The following RBL1 variants were observed in gnomAD, a reference collection of about 807,000 sequenced individuals.
RBL1 encodes the protein retinoblastoma-like protein 1.
In RBL1, 82 loss-of-function variants were observed where a neutral mutation model predicts 123.0. That is an observed-to-expected ratio of 0.67 (90% confidence interval 0.56 to 0.80). The LOEUF is 0.80. RBL1 is among the 30% of genes least tolerant of loss of function. The pLI, the probability that RBL1 is intolerant of heterozygous loss-of-function variation, is 0.00. For synonymous variants in RBL1, 405 were observed against 441.3 expected, an observed-to-expected ratio of 0.92 and a Z score of 1.03; for missense variants, 1,171 against 1,299.6, an observed-to-expected ratio of 0.90 and a Z score of 1.52.
At chr20:37,031,149 T>C (rs1164706871) in intron 16 of RBL1, among the ~76,000 whole-genome samples, 1 of 152,182 alleles carries the variant, frequency 6.6e-6, no homozygotes, top group Non-Finnish European at 1.5e-5. Flanking sequence ...AATGATTTCT[T>C]GTGTATGACA....
chr20:37,032,133 A>C (rs975713650), intron 16 of RBL1, among the ~76,000 whole-genome samples: 1 of 152,188 alleles, frequency 6.6e-6, no homozygotes, highest in African/African-American at 2.4e-5. Flanking sequence ...CCATCAGCAG[A>C]TGAATGAATA....
intron 11 of RBL1, among the ~76,000 whole-genome samples, chr20:37,053,680 T>TAAA (rs2064957400): frequency 6.6e-6 from 1 of 152,236 alleles, no homozygotes; most frequent in Non-Finnish European, 1.5e-5. Flanking sequence ...CTTAAACTCC[T>TAAA]GTTTATATCA....
At chr20:37,095,037 C>A (rs1188876080) in intron 1 of RBL1, among the ~76,000 whole-genome samples, 1 of 152,156 alleles carries the variant, frequency 6.6e-6, no homozygotes, top group Non-Finnish European at 1.5e-5. Context: ...GCCATGTTCA[C>A]AGGGCTGTTG....
At chr20:37,013,960 A>C (rs549878332) in intron 19 of RBL1, among the ~76,000 whole-genome samples, 1 of 152,300 alleles carries the variant, frequency 6.6e-6, no homozygotes, top group Admixed American at 6.5e-5. Context: ...TGTTTTTCCC[A>C]AGTTGGTGTT....
Position 37,095,805 on chromosome 20 carries a change from AGTC to A in RBL1, c.121_123del (p.Asp41del). ...CTGTAGTTGCCTCGGATGGCAGTAAAGTCGTCCAGGGCTTCGGCCGCGCTCCCC... is the reference window on the plus strand; with the variant it reads ...CTGTAGTTGCCTCGGATGGCAGTAAAGTCCAGGGCTTCGGCCGCGCTCCCC... On this transcript the variant is annotated inframe_deletion, in exon 1 of 22. Transcript: ENST00000373664. 2 of 1,609,984 alleles carry A rather than the reference AGTC, an allele frequency of 1.2e-6. No individual in the cohort carries two copies. The highest frequency in any genetic ancestry group is 1.7e-6 in the Non-Finnish European group (2 of 1,178,622).
intron 2 of RBL1, among the ~76,000 whole-genome samples, chr20:37,070,494 A>C (rs868760950): frequency 1.6e-4 from 24 of 151,964 alleles, no homozygotes; most frequent in East Asian, 5.8e-4. Flanking sequence ...AAAAAAAAAA[A>C]CATAAAATAA....
chr20:37,069,495 G>A (rs2065245606), intron 2 of RBL1, among the ~76,000 whole-genome samples: 1 of 149,044 alleles, frequency 6.7e-6, no homozygotes, highest in South Asian at 2.1e-4. Flanking sequence ...CCGCCACCCC[G>A]TCTGGGATGT....
At chr20:37,016,242 G>A (rs1448286938) in intron 19 of RBL1, among the ~76,000 whole-genome samples, 2 of 151,838 alleles carry the variant, frequency 1.3e-5, no homozygotes, top group Non-Finnish European at 2.9e-5. Flanking sequence ...TGGCCAGGCT[G>A]GTCTCGAACT....
chr20:37,036,275 C>A (rs947141574), intron 14 of RBL1, among the ~76,000 whole-genome samples: 1 of 152,082 alleles, frequency 6.6e-6, no homozygotes, highest in African/African-American at 2.4e-5. Flanking sequence ...GCTTTTAAAA[C>A]AAAAGTATTT....
At chr20:37,044,920 A>C (rs1034360430) in intron 12 of RBL1, among the ~76,000 whole-genome samples, 1 of 152,110 alleles carries the variant, frequency 6.6e-6, no homozygotes, top group Admixed American at 6.6e-5. Context: ...CACTAACTCA[A>C]AATAACAGAA....
chr20:37,008,037 T>A (rs750393180), intron 19 of RBL1, among the ~76,000 whole-genome samples: 13 of 152,226 alleles, frequency 8.5e-5, no homozygotes, highest in Admixed American at 3.9e-4. Flanking sequence ...CAAATTGGAA[T>A]CTAGAGAAAT....
chr20:37,034,764 T>A (rs759290910), intron 15 of RBL1, among the ~76,000 whole-genome samples: 1,757 of 146,082 alleles, frequency 0.012, 13 homozygotes, highest in Middle Eastern at 0.055. Context: ...AATTTAAAAA[T>A]AAAAAAAAAA....
At chr20:37,027,901 T>C (rs542715074) in intron 16 of RBL1, among the ~76,000 whole-genome samples, 15 of 152,118 alleles carry the variant, frequency 9.9e-5, no homozygotes, top group South Asian at 2.1e-4. Flanking sequence ...ACTACAGGCA[T>C]GGGCCACTAT....
At chr20:37,091,226 C>T (rs565569923) in intron 1 of RBL1, among the ~76,000 whole-genome samples, 133 of 152,084 alleles carry the variant, frequency 8.7e-4, no homozygotes, top group African/African-American at 2.9e-3. Context: ...GGTGTGGTGG[C>T]GCACGCCTGT....
chr20:37,007,309 T>C (rs777133319), intron 20 of RBL1, 102 bp downstream of exon 20: 210 of 1,232,292 alleles, frequency 1.7e-4, no homozygotes, highest in Non-Finnish European at 2.2e-4. Flanking sequence ...CTCTGATTAA[T>C]TGCTAGTAAT....
chr20:37,076,936 ATTT>A (rs547969796), intron 2 of RBL1, among the ~76,000 whole-genome samples: 15 of 135,176 alleles, frequency 1.1e-4, no homozygotes, highest in Non-Finnish European at 1.1e-4. Context: ...TTGCTTTATC[ATTT>A]TTTTTTTTTT....
At chr20:37,020,885 T>C (rs185889845) in intron 17 of RBL1, among the ~76,000 whole-genome samples, 155 bp from the exon 18 acceptor site, 23 of 152,298 alleles carry the variant, frequency 1.5e-4, no homozygotes, top group African/African-American at 5.5e-4. Flanking sequence ...ATTTATGATT[T>C]TTTCTACCTT....
At chr20:37,048,768 AAAAC>A (rs1352881455) in intron 11 of RBL1, among the ~76,000 whole-genome samples, 1 of 152,114 alleles carries the variant, frequency 6.6e-6, no homozygotes, top group Non-Finnish European at 1.5e-5. Flanking sequence ...AACATAGGTC[AAAAC>A]AAACAGAAAA....
At chr20:37,086,536 G>A (rs1010525342) in intron 2 of RBL1, among the ~76,000 whole-genome samples, 6 of 151,772 alleles carry the variant, frequency 4.0e-5, no homozygotes, top group East Asian at 1.9e-4. Flanking sequence ...GCAAAACTCC[G>A]TCTCAAAAAA....
Sources: allele counts gnomAD v4.1 joint callset (sites outside exome capture counted in the v4.1 genomes callset), GRCh38; gene constraint gnomAD v4.1.1; transcripts MANE v1.5; gene names NCBI Gene and HGNC (gene_info 2026-07-23, HGNC 2026-07-21).